Variants in SGCZ observed in about 807,000 individuals in gnomAD.
SGCZ encodes the protein zeta-sarcoglycan.
Under a neutral mutation model 41.3 loss-of-function variants are expected in SGCZ, and 40 were observed. The observed-to-expected ratio is 0.97, with a 90% CI of 0.75 to 1.26. The LOEUF is 1.26. SGCZ is among the 50% of genes most tolerant of loss of function. The pLI, the probability that SGCZ is intolerant of heterozygous loss-of-function variation, is 0.00. For missense variants in SGCZ, 552 were observed against 369.8 expected, an observed-to-expected ratio of 1.49 and a Z score of -4.04; for synonymous variants, 206 against 137.5, an observed-to-expected ratio of 1.50 and a Z score of -3.49.
intron 5 of SGCZ, among the ~76,000 whole-genome samples, chr8:14,122,289 AC>A (rs1183069170): frequency 6.6e-6 from 1 of 151,952 alleles, no homozygotes; most frequent in East Asian, 1.9e-4. Flanking sequence ...CAAAAACAAA[AC>A]AAAACAAAAG....
At chr8:14,104,140 AGGAAACCCAAGTTTATTGGT>A (rs1370542056) in intron 6 of SGCZ, among the ~76,000 whole-genome samples, 3 of 152,190 alleles carry the variant, frequency 2.0e-5, no homozygotes, top group Non-Finnish European at 4.4e-5. Flanking sequence ...CTGTTGAAAA[AGGAAACCCAAGTTTATTGGT>A]ACTACTTGTG....
intron 1 of SGCZ, among the ~76,000 whole-genome samples, chr8:14,975,099 G>A (rs1031168348): frequency 2.0e-5 from 3 of 152,108 alleles, no homozygotes; most frequent in Admixed American, 2.0e-4. Context: ...AAGGTCAGGA[G>A]ATGGAGACCA....
intron 2 of SGCZ, among the ~76,000 whole-genome samples, chr8:14,554,005 C>G (rs1254729756): frequency 6.6e-6 from 1 of 152,008 alleles, no homozygotes; most frequent in Non-Finnish European, 1.5e-5. Context: ...ATAAAGTGAG[C>G]TAAACTGGAC....
chr8:14,630,469 C>G (rs939544535), intron 1 of SGCZ, among the ~76,000 whole-genome samples: 2 of 152,000 alleles, frequency 1.3e-5, no homozygotes, highest in African/African-American at 4.8e-5. Flanking sequence ...TGTGGCGATT[C>G]CTCAAGGATC....
At chr8:14,665,583 C>T (rs1807884688) in intron 1 of SGCZ, among the ~76,000 whole-genome samples, 1 of 152,156 alleles carries the variant, frequency 6.6e-6, no homozygotes, top group African/African-American at 2.4e-5. Context: ...ATATCTGCAA[C>T]AGAACAAGTG....
chr8:14,669,385 G>GTAAGTAAATAAATAAATAAATAAA (rs1465447907), intron 1 of SGCZ, among the ~76,000 whole-genome samples: 1 of 55,128 alleles, frequency 1.8e-5, no homozygotes, highest in African/African-American at 1.6e-4. Flanking sequence ...AAGTAAGTAA[G>GTAAGTAAATAAATAAATAAATAAA]TAAATAAATA....
intron 2 of SGCZ, among the ~76,000 whole-genome samples, chr8:14,362,758 A>T (rs1232785933): frequency 6.6e-6 from 1 of 152,074 alleles, no homozygotes; most frequent in Non-Finnish European, 1.5e-5. Context: ...AAATGCAGAA[A>T]TCACCCATCT....
chr8:15,071,012 C>T (rs1443380259), intron 1 of SGCZ, among the ~76,000 whole-genome samples: 2 of 152,174 alleles, frequency 1.3e-5, no homozygotes, highest in Non-Finnish European at 2.9e-5. Flanking sequence ...TGTTAGGCAA[C>T]TTCCCAAGCT....
At chr8:14,576,352 A>G (rs191420590) in intron 1 of SGCZ, among the ~76,000 whole-genome samples, 1,526 of 150,292 alleles carry the variant, frequency 0.01, 19 homozygotes, top group South Asian at 0.051. Flanking sequence ...TAAAGGAGGG[A>G]AAAAAAACTG....
intron 1 of SGCZ, among the ~76,000 whole-genome samples, chr8:14,992,096 A>G (rs750666047): frequency 2.0e-5 from 3 of 148,504 alleles, no homozygotes; most frequent in Non-Finnish European, 4.4e-5. Flanking sequence ...CTCCTCATCC[A>G]ATCTACTCCC....
chr8:14,562,546 A>G (rs1804237980), intron 1 of SGCZ, among the ~76,000 whole-genome samples: 1 of 152,194 alleles, frequency 6.6e-6, no homozygotes, highest in Admixed American at 6.5e-5. Flanking sequence ...TTAAAATGGT[A>G]GAAAGAGAAT....
At chr8:15,060,978 A>T (rs1394391858) in intron 1 of SGCZ, among the ~76,000 whole-genome samples, 1 of 152,144 alleles carries the variant, frequency 6.6e-6, no homozygotes, top group African/African-American at 2.4e-5. Context: ...TACAAAAGAT[A>T]TGGGTTTCCT....
intron 5 of SGCZ, among the ~76,000 whole-genome samples, chr8:14,121,018 G>C (rs1802680274): frequency 6.6e-6 from 1 of 152,010 alleles, no homozygotes; most frequent in African/African-American, 2.4e-5. Context: ...TTCCTGTCCA[G>C]ATAACAAGTA....
chr8:14,831,192 T>A (rs1802514599), intron 1 of SGCZ, among the ~76,000 whole-genome samples: 1 of 152,084 alleles, frequency 6.6e-6, no homozygotes. Context: ...TGTTATAGAG[T>A]ACACAGGTCA....
chr8:14,405,922 G>A (rs1317607412), intron 2 of SGCZ, among the ~76,000 whole-genome samples: 1 of 152,100 alleles, frequency 6.6e-6, no homozygotes. Flanking sequence ...AAATGGAGGT[G>A]CAAGCAAATA....
At chr8:14,884,235 A>G (rs542317695) in intron 1 of SGCZ, among the ~76,000 whole-genome samples, 27 of 152,168 alleles carry the variant, frequency 1.8e-4, no homozygotes, top group Non-Finnish European at 2.5e-4. Flanking sequence ...AGAATGTGCA[A>G]TGCATATCCT....
intron 5 of SGCZ, among the ~76,000 whole-genome samples, chr8:14,122,290 C>CAA (rs1219685041): frequency 6.6e-6 from 1 of 150,588 alleles, no homozygotes; most frequent in African/African-American, 2.4e-5. Flanking sequence ...AAAAACAAAA[C>CAA]AAAACAAAAG....
chr8:15,004,914 C>T (rs1483592674), intron 1 of SGCZ, among the ~76,000 whole-genome samples: 2 of 152,184 alleles, frequency 1.3e-5, no homozygotes, highest in South Asian at 4.1e-4. Flanking sequence ...ACCACTGCCA[C>T]ACCTCCACCC....
chr8:14,691,150 C>T (rs1156659443), intron 1 of SGCZ, among the ~76,000 whole-genome samples: 1 of 152,146 alleles, frequency 6.6e-6, no homozygotes, highest in Non-Finnish European at 1.5e-5. Context: ...AACAGGATGT[C>T]TTTTTCTTCA....
Sources: gnomAD v4.1 joint callset for allele counts (sites outside exome capture counted in the v4.1 genomes callset) on GRCh38, gnomAD v4.1.1 for gene constraint, MANE v1.5 for transcripts, NCBI Gene and HGNC (gene_info 2026-07-23, HGNC 2026-07-21) for gene names.